The following ZNF704 variants were observed in gnomAD, a reference collection of about 807,000 sequenced individuals.
The protein encoded by ZNF704 is zinc finger protein 704, also known as glucocorticoid induced gene 1.
A neutral mutation model predicts 44.7 loss-of-function variants in ZNF704; 10 were observed. The observed-to-expected ratio is 0.22, with a 90% CI of 0.14 to 0.38. The LOEUF is 0.38. ZNF704 is among the 10% of genes least tolerant of loss of function. ZNF704 has a pLI of 1.00. For synonymous variants in ZNF704, 211 were observed against 207.6 expected (o/e 1.02, Z -0.14); for missense variants, 390 against 545.5 (o/e 0.71, Z 2.84).
intron 1 of ZNF704, among the ~76,000 whole-genome samples, chr8:80,847,162 G>A (rs187868509): frequency 3.8e-4 from 58 of 152,098 alleles, no homozygotes; most frequent in African/African-American, 1.4e-3. Context: ...GACAGAGTGA[G>A]ACTCCATCTT....
At chr8:80,704,556 AG>A (rs1818866284) in intron 2 of ZNF704, among the ~76,000 whole-genome samples, 1 of 152,148 alleles carries the variant, frequency 6.6e-6, no homozygotes, top group Admixed American at 6.5e-5. Flanking sequence ...CCAGGATTAG[AG>A]GGTTGGACTT....
intron 1 of ZNF704, among the ~76,000 whole-genome samples, chr8:80,829,988 T>C (rs1423323407): frequency 6.6e-6 from 1 of 152,230 alleles, no homozygotes; most frequent in Non-Finnish European, 1.5e-5. Context: ...TAGATACTCA[T>C]TATATCACTA....
At chr8:80,664,738 C>T (rs2131609904) in intron 6 of ZNF704, 77 bp downstream of exon 6, 2 of 1,573,364 alleles carry the variant, frequency 1.3e-6, no homozygotes, top group Non-Finnish European at 1.7e-6. Context: ...ACTGAGTTGT[C>T]TTTTACTCAT....
At chr8:80,856,406 AAATT>A (rs1808962545) in intron 1 of ZNF704, among the ~76,000 whole-genome samples, 3 of 152,298 alleles carry the variant, frequency 2.0e-5, no homozygotes, top group Admixed American at 2.0e-4. Context: ...TGAAATTTAA[AAATT>A]AATTTAATTT....
At chr8:80,647,346 T>C (rs1817849475) in intron 7 of ZNF704, among the ~76,000 whole-genome samples, 1 of 152,062 alleles carries the variant, frequency 6.6e-6, no homozygotes, top group Admixed American at 6.6e-5. Flanking sequence ...GTGGGCACTT[T>C]GTGGGAGGTG....
chr8:80,690,633 G>A (rs1190896059), intron 3 of ZNF704, among the ~76,000 whole-genome samples: 1 of 152,158 alleles, frequency 6.6e-6, no homozygotes, highest in Non-Finnish European at 1.5e-5. Flanking sequence ...CCATTTGCCA[G>A]AGACCCCCCA....
At chr8:80,694,747 C>T (rs1275428256) in intron 2 of ZNF704, among the ~76,000 whole-genome samples, 5 of 152,188 alleles carry the variant, frequency 3.3e-5, no homozygotes, top group Admixed American at 3.3e-4. Context: ...CTGATGTCCA[C>T]CCATGATACT....
chr8:80,811,872 T>C (rs1040969739), intron 2 of ZNF704, among the ~76,000 whole-genome samples: 4 of 152,212 alleles, frequency 2.6e-5, no homozygotes, highest in Admixed American at 2.6e-4. Flanking sequence ...ACCACCTGAG[T>C]TCTGCCTCCT....
chr8:80,631,026 C>T lies in ZNF704; in HGVS notation c.*10340G>A, dbSNP rs778683447. On this transcript the variant is annotated 3_prime_UTR_variant, in exon 9 of 9. Coordinates refer to ENST00000327835, the MANE Select transcript of ZNF704 (RefSeq NM_001033723.3). Reference sequence around the variant, plus strand: ...GCTAAGTCTTTTCTAAAGCTTTCTACCAATGACCAAGGAGGTTCCCCGAAC... The same window carrying T: ...GCTAAGTCTTTTCTAAAGCTTTCTATCAATGACCAAGGAGGTTCCCCGAAC... The T allele has an allele frequency of 8.5e-5, 13 of 152,116 alleles. No homozygotes were observed. The highest frequency in any genetic ancestry group is 1.6e-4 in the Non-Finnish European group (11 of 68,028). 9.4% of individuals were successfully genotyped at this position (152,116 alleles called of 1,614,324 possible). A position where few individuals can be genotyped will look rare whatever the true frequency, so the allele number is the denominator to read the frequency against.
intron 8 of ZNF704, 53 bp from the exon 9 acceptor site, chr8:80,641,530 C>A: frequency 3.9e-5 from 40 of 1,019,512 alleles, no homozygotes; most frequent in Non-Finnish European, 5.2e-5. Flanking sequence ...AATGGGCATT[C>A]TATGGAGAGC....
At chr8:80,670,683 T>C (rs959262169) in intron 4 of ZNF704, 80 bp from the exon 5 acceptor site, 1 of 1,051,204 alleles carries the variant, frequency 9.5e-7, no homozygotes, top group Non-Finnish European at 1.5e-6. Flanking sequence ...ACATATTTTT[T>C]TCCTTCATTA....
In ZNF704 at chr8:80,659,616, T is replaced by A; in HGVS notation, c.1001A>T (p.Gln334Leu). ...GCCTGTGAAAGTGACCGGAGGAGAT[T>A]GCCAGGAAATGCTGAAGCTGCTGCC... ...PNGSSFSISW[Q>L]SPPVTFTGIP... Residue 334 changes from glutamine (Q) to leucine (L), a missense_variant, in exon 7 of 9, where the codon CAA becomes CTA. Physicochemically the swap from Gln to Leu is moderately radical, Grantham distance 113. Coordinates refer to ENST00000327835, the MANE Select transcript of ZNF704 (RefSeq NM_001033723.3). The A allele has an allele frequency of 6.2e-7, 1 of 1,614,036 alleles. No individual in the cohort carries two copies. Among genetic ancestry groups the A allele is most frequent in the Non-Finnish European group, 8.5e-7 (1 of 1,179,926 alleles).
chr8:80,705,467 G>T (rs569103045), intron 2 of ZNF704, among the ~76,000 whole-genome samples: 3 of 151,596 alleles, frequency 2.0e-5, no homozygotes, highest in African/African-American at 7.3e-5. Context: ...CTCTCTGTGT[G>T]CACAGCTATG....
chr8:80,793,734 T>C (rs1424705835), intron 2 of ZNF704, among the ~76,000 whole-genome samples: 1 of 151,776 alleles, frequency 6.6e-6, no homozygotes, highest in Non-Finnish European at 1.5e-5. Flanking sequence ...CATAAGAAAA[T>C]AACAAAAAAT....
At chr8:80,723,551 A>C (rs1806413585) in intron 2 of ZNF704, among the ~76,000 whole-genome samples, 1 of 152,244 alleles carries the variant, frequency 6.6e-6, no homozygotes, top group South Asian at 2.1e-4. Flanking sequence ...CTGCCAGTTA[A>C]AAAAGAGCTT....
At chr8:80,714,162 C>T (rs956354816) in intron 2 of ZNF704, among the ~76,000 whole-genome samples, 2 of 152,166 alleles carry the variant, frequency 1.3e-5, no homozygotes, top group African/African-American at 2.4e-5. Flanking sequence ...GGAAGTCCTA[C>T]TGAGGCCAAG....
intron 2 of ZNF704, among the ~76,000 whole-genome samples, chr8:80,815,289 T>C (rs1305965628): frequency 3.3e-5 from 5 of 152,244 alleles, no homozygotes; most frequent in Non-Finnish European, 5.9e-5. Flanking sequence ...AGAATACTTC[T>C]GGCCAAATTT....
Position 80,632,674 on chromosome 8 carries a change from T to TA in ZNF704, c.*8691dup. 1.3e-5 allele frequency: 2 copies of TA among 152,314 alleles called. No individual in the cohort carries two copies. The highest frequency in any genetic ancestry group is 1.3e-4 in the Admixed American group (2 of 15,296). The allele number at this position is 152,314 out of a possible 1,614,324, so 9.4% of individuals were successfully genotyped here. The stretch of plus-strand genomic sequence containing the variant: ...TGGTGCCTAACATGAAAGAACATTT[T>TA]AAAAAACAAGGACTACAGTTTAATC... On this transcript the variant is annotated 3_prime_UTR_variant, in exon 9 of 9. Transcript: ENST00000327835.
intron 2 of ZNF704, among the ~76,000 whole-genome samples, chr8:80,778,934 A>G (rs1297002299): frequency 6.6e-6 from 1 of 152,110 alleles, no homozygotes; most frequent in Admixed American, 6.5e-5. Flanking sequence ...GTGACAAAAT[A>G]ATCTGTACAA....
Sources: gnomAD v4.1 joint callset for allele counts (sites outside exome capture counted in the v4.1 genomes callset) on GRCh38, gnomAD v4.1.1 for gene constraint, MANE v1.5 for transcripts, NCBI Gene and HGNC (gene_info 2026-07-23, HGNC 2026-07-21) for gene names.